Variants in FOXN3 observed in about 807,000 individuals in gnomAD.
The protein encoded by FOXN3 is forkhead box protein N3.
In FOXN3, 7 loss-of-function variants were observed where a neutral mutation model predicts 38.4. The ratio of observed to expected loss-of-function variants is 0.18; its 90% CI spans 0.10 to 0.34. The LOEUF (loss-of-function observed/expected upper bound fraction) is 0.34, where lower values mean the gene tolerates loss of function less well. Ranked by LOEUF, FOXN3 falls within the 10% of genes least tolerant of loss-of-function variation. The pLI is 1.00. For missense variants in FOXN3, 456 were observed against 613.4 expected, an observed-to-expected ratio of 0.74 and a Z score of 2.71; for synonymous variants, 230 against 242.2, an observed-to-expected ratio of 0.95 and a Z score of 0.47.
intron 4 of FOXN3, among the ~76,000 whole-genome samples, chr14:89,274,943 C>T (rs1396443447): frequency 1.3e-5 from 2 of 152,158 alleles, no homozygotes; most frequent in East Asian, 1.9e-4. Context: ...AAACCACATT[C>T]GGAGGATTTT....
At chr14:89,395,447 G>A (rs544524710) in intron 2 of FOXN3, among the ~76,000 whole-genome samples, 1 of 152,178 alleles carries the variant, frequency 6.6e-6, no homozygotes, top group African/African-American at 2.4e-5. Flanking sequence ...CAGCATCCAA[G>A]CTTTCTCTCT....
At chr14:89,562,002 G>A (rs1895258565) in intron 1 of FOXN3, among the ~76,000 whole-genome samples, 1 of 152,144 alleles carries the variant, frequency 6.6e-6, no homozygotes, top group African/African-American at 2.4e-5. Flanking sequence ...AGCTCCCAAA[G>A]GGATTTCTAT....
At chr14:89,471,381 T>G (rs1893091076) in intron 1 of FOXN3, among the ~76,000 whole-genome samples, 2 of 151,878 alleles carry the variant, frequency 1.3e-5, no homozygotes, top group African/African-American at 4.8e-5. Context: ...GTGGATGGAT[T>G]GCTTGAGCCC....
At chr14:89,377,644 A>C (rs1298335613) in intron 2 of FOXN3, among the ~76,000 whole-genome samples, 4 of 152,238 alleles carry the variant, frequency 2.6e-5, no homozygotes, top group Non-Finnish European at 5.9e-5. Flanking sequence ...AAAAATAAGA[A>C]GGGAAAAGAA....
At chr14:89,616,198 G>A (rs571935883) in intron 1 of FOXN3, among the ~76,000 whole-genome samples, 1 of 152,102 alleles carries the variant, frequency 6.6e-6, no homozygotes, top group East Asian at 1.9e-4. Flanking sequence ...CAAAATGAAC[G>A]GGGTTGGGGG....
At chr14:89,279,515 A>G (rs866828187) in intron 4 of FOXN3, among the ~76,000 whole-genome samples, 3 of 152,218 alleles carry the variant, frequency 2.0e-5, no homozygotes, top group Admixed American at 6.5e-5. Context: ...TATCACTGCT[A>G]TAGTTCTAGA....
intron 2 of FOXN3, among the ~76,000 whole-genome samples, chr14:89,359,125 T>A (rs1889351565): frequency 6.6e-6 from 1 of 151,970 alleles, no homozygotes; most frequent in African/African-American, 2.4e-5. Flanking sequence ...GTGAAACCTG[T>A]CTCTGCTAAA....
chr14:89,278,381 A>G (rs1344295853), intron 4 of FOXN3, among the ~76,000 whole-genome samples: 5 of 152,144 alleles, frequency 3.3e-5, no homozygotes, highest in African/African-American at 9.7e-5. Context: ...ACAATTCAAG[A>G]TGAGATTTGG....
At chr14:89,305,067 G>A (rs181097868) in intron 3 of FOXN3, among the ~76,000 whole-genome samples, 1 of 151,894 alleles carries the variant, frequency 6.6e-6, no homozygotes, top group East Asian at 1.9e-4. Context: ...ATTTTACGAA[G>A]TTGTCCTAGA....
At chr14:89,331,508 G>A (rs1389492762) in intron 3 of FOXN3, among the ~76,000 whole-genome samples, 1 of 152,200 alleles carries the variant, frequency 6.6e-6, no homozygotes, top group Non-Finnish European at 1.5e-5. Flanking sequence ...GATGGTCTAT[G>A]GATTTAGCAA....
chr14:89,314,129 T>C, intron 3 of FOXN3, among the ~76,000 whole-genome samples: 1 of 152,328 alleles, frequency 6.6e-6, no homozygotes, highest in Non-Finnish European at 1.5e-5. Flanking sequence ...TTTACCACAA[T>C]TAAGAATTAA....
intron 1 of FOXN3, among the ~76,000 whole-genome samples, chr14:89,446,335 T>C (rs1188570433): frequency 6.6e-6 from 1 of 151,444 alleles, no homozygotes; most frequent in Admixed American, 6.6e-5. Flanking sequence ...ATTACAGGCA[T>C]GCGCCACCAC....
chr14:89,356,227 A>G (rs4904555), intron 2 of FOXN3: 79,473 of 151,514 alleles, frequency 0.52, 22,558 homozygotes, highest in Admixed American at 0.63. Flanking sequence ...ATAAAACCCC[A>G]TCTCTACAAA....
At chr14:89,294,810 C>T (rs1886985909) in intron 3 of FOXN3, among the ~76,000 whole-genome samples, 1 of 152,162 alleles carries the variant, frequency 6.6e-6, no homozygotes, top group African/African-American at 2.4e-5. Flanking sequence ...CAAGAAATAA[C>T]CATAAAAATG....
At chr14:89,389,543 T>A (rs983666013) in intron 2 of FOXN3, among the ~76,000 whole-genome samples, 1 of 152,260 alleles carries the variant, frequency 6.6e-6, no homozygotes, top group Non-Finnish European at 1.5e-5. Context: ...TTAACCTTTT[T>A]AATTTGTCAC....
chr14:89,471,929 T>A (rs934645522), intron 1 of FOXN3, among the ~76,000 whole-genome samples: 7 of 152,140 alleles, frequency 4.6e-5, no homozygotes, highest in African/African-American at 1.4e-4. Context: ...AGAGTCCTCA[T>A]CAATCTTCAA....
intron 1 of FOXN3, among the ~76,000 whole-genome samples, chr14:89,571,033 CA>C (rs1380824529): frequency 5.3e-5 from 8 of 152,184 alleles, no homozygotes; most frequent in Admixed American, 5.2e-4. Context: ...GCTAAAAGCC[CA>C]TGCACTGTAC....
chr14:89,395,337 T>C (rs888580351), intron 2 of FOXN3, among the ~76,000 whole-genome samples: 20 of 152,138 alleles, frequency 1.3e-4, no homozygotes, highest in Admixed American at 1.0e-3. Flanking sequence ...GTTTACTGAA[T>C]TGAATGGAGG....
At chr14:89,486,130 C>G (rs1057187130) in intron 1 of FOXN3, among the ~76,000 whole-genome samples, 2 of 152,164 alleles carry the variant, frequency 1.3e-5, no homozygotes, top group Non-Finnish European at 2.9e-5. Flanking sequence ...ACTTTTTCAT[C>G]CCCACCTGTC....
Sources: gnomAD v4.1 joint callset for allele counts (sites outside exome capture counted in the v4.1 genomes callset) on GRCh38, gnomAD v4.1.1 for gene constraint, MANE v1.5 for transcripts, NCBI Gene and HGNC (gene_info 2026-07-23, HGNC 2026-07-21) for gene names.